LRRTM4: variants seen among roughly 807,000 people sequenced by gnomAD.
LRRTM4 encodes leucine-rich repeat transmembrane neuronal protein 4.
LRRTM4 carries 25 observed loss-of-function variants against 47.6 expected under a neutral mutation model. That is an observed-to-expected ratio of 0.53 (90% CI 0.38 to 0.73). LRRTM4 has a LOEUF of 0.73. Ranked by LOEUF, LRRTM4 falls within the 30% of genes least tolerant of loss-of-function variation. The pLI is 0.00. For synonymous variants in LRRTM4, 311 were observed against 269.5 expected, an observed-to-expected ratio of 1.15 and a Z score of -1.51; for missense variants, 638 against 713.4, an observed-to-expected ratio of 0.89 and a Z score of 1.20.
chr2:77,035,941 C>A (rs938224778), intron 3 of LRRTM4, among the ~76,000 whole-genome samples: 2 of 151,794 alleles, frequency 1.3e-5, no homozygotes, highest in Non-Finnish European at 2.9e-5. Context: ...TTTTCAGATT[C>A]CAGACTTCAA....
chr2:76,866,180 C>A (rs1672460170), intron 3 of LRRTM4, among the ~76,000 whole-genome samples: 1 of 152,164 alleles, frequency 6.6e-6, no homozygotes, highest in Non-Finnish European at 1.5e-5. Flanking sequence ...CCTGCCAGAT[C>A]CATCCAAAAT....
At chr2:77,419,388 T>C (rs1674777827) in intron 3 of LRRTM4, among the ~76,000 whole-genome samples, 1 of 152,216 alleles carries the variant, frequency 6.6e-6, no homozygotes, top group South Asian at 2.1e-4. Context: ...CTAAAATCCA[T>C]GGATGTTCAA....
intron 3 of LRRTM4, among the ~76,000 whole-genome samples, chr2:77,212,871 TA>T (rs1181652613): frequency 6.6e-6 from 1 of 152,134 alleles, no homozygotes; most frequent in African/African-American, 2.4e-5. Context: ...TTCTTGAAAC[TA>T]AGGAGAAATG....
intron 3 of LRRTM4, among the ~76,000 whole-genome samples, chr2:76,927,093 C>G (rs2103822923): frequency 6.6e-6 from 1 of 152,228 alleles, no homozygotes; most frequent in South Asian, 2.1e-4. Context: ...TGGTTATTAG[C>G]CACTTGCAAT....
intron 3 of LRRTM4, among the ~76,000 whole-genome samples, chr2:77,393,349 T>C (rs1345769001): frequency 1.3e-5 from 2 of 151,914 alleles, no homozygotes; most frequent in Non-Finnish European, 2.9e-5. Context: ...TCGACAACTG[T>C]TATAAAGTGC....
Position 77,043,535 on chromosome 2 carries a change from G to A in LRRTM4, c.1552-294619C>T, listed in dbSNP as rs370328359. The stretch of plus-strand genomic sequence containing the variant: ...AATGTCATTGTGTTCAATTTATGTA[G>A]TCTACTGAAACTGAATTTAAGTTAT... On this transcript the variant is annotated intron_variant, in intron 3 of 3. Coordinates refer to ENST00000409884, the MANE Select transcript of LRRTM4 (RefSeq NM_001134745.3). Among the ~76,000 whole-genome samples, 5 of 151,848 alleles carry A rather than the reference G, an allele frequency of 3.3e-5. No individual in the cohort carries two copies. The East Asian group carries it at 5.8e-4, about 18-fold the overall frequency.
intron 3 of LRRTM4, among the ~76,000 whole-genome samples, chr2:76,832,476 T>TC (rs1671382620): frequency 6.7e-6 from 1 of 148,228 alleles, no homozygotes; most frequent in South Asian, 2.2e-4. Context: ...TTTTTTTTTT[T>TC]TGTCTACACT....
At chr2:77,209,227 A>G (rs1260409765) in intron 3 of LRRTM4, among the ~76,000 whole-genome samples, 1 of 152,130 alleles carries the variant, frequency 6.6e-6, no homozygotes, top group Admixed American at 6.6e-5. Context: ...AAAAATTCAC[A>G]AGCAAGCTGT....
chr2:77,218,797 A>G (rs1674534363), intron 3 of LRRTM4, among the ~76,000 whole-genome samples: 2 of 152,148 alleles, frequency 1.3e-5, no homozygotes, highest in South Asian at 4.1e-4. Flanking sequence ...CCATTTGTGC[A>G]AACTTTGTGA....
chr2:77,370,006 C>T (rs1269069167), intron 3 of LRRTM4, among the ~76,000 whole-genome samples: 5 of 151,646 alleles, frequency 3.3e-5, no homozygotes, highest in African/African-American at 1.2e-4. Context: ...TGTTGTATAC[C>T]TTAAACATGC....
chr2:77,072,595 C>G (rs566256072), intron 3 of LRRTM4, among the ~76,000 whole-genome samples: 1 of 151,816 alleles, frequency 6.6e-6, no homozygotes, highest in African/African-American at 2.4e-5. Flanking sequence ...GTCAGAAGTT[C>G]GAGACCAGCC....
rs1295135625 is a variant in LRRTM4, at chr2:76,841,663, A to T, written c.1552-92747T>A. ...GTTCAGAATCAATTTGGTAACCTGGAGAAAAAAAAAAAAAACTTTACTGTG... is the reference window on the plus strand; with the variant it reads ...GTTCAGAATCAATTTGGTAACCTGGTGAAAAAAAAAAAAAACTTTACTGTG... On this transcript the variant is annotated intron_variant, in intron 3 of 3. Coordinates refer to ENST00000409884, the MANE Select transcript of LRRTM4 (RefSeq NM_001134745.3). Among the ~76,000 whole-genome samples, 19 of 148,350 alleles carry T rather than the reference A, an allele frequency of 1.3e-4. No homozygotes were observed. The East Asian group carries it at 3.8e-3, about 29-fold the overall frequency.
rs141544004 is a variant in LRRTM4 at position 76,983,301 on chromosome 2, G to T, written c.1552-234385C>A. On this transcript the variant is annotated intron_variant, in intron 3 of 3. Transcript: ENST00000409884. ...TAAGTCACACATTATTAAACAGTAG[G>T]GATATGGTTTGGCAGTATCCCCACC... is the stretch of plus-strand genomic sequence containing the variant. Among the ~76,000 whole-genome samples the T allele has an allele frequency of 1.1e-3, 172 of 152,012 alleles. 1 individual carries two copies. Among genetic ancestry groups the T allele is most frequent in the African/African-American group, 3.9e-3 (162 of 41,490 alleles).
chr2:76,802,300 A>T (rs1294831583), intron 3 of LRRTM4, among the ~76,000 whole-genome samples: 1 of 147,678 alleles, frequency 6.8e-6, no homozygotes, highest in East Asian at 1.9e-4. Flanking sequence ...ACAGCAAAAT[A>T]CACAAATCTC....
rs544481413 is a variant in LRRTM4, at chr2:77,488,238, A to G, written c.1551+30080T>C. On this transcript the variant is annotated intron_variant, in intron 3 of 3. Coordinates refer to ENST00000409884, the MANE Select transcript of LRRTM4 (RefSeq NM_001134745.3). ...CACCACCACATTCCCCGGTGCCAGC[A>G]CTGGAAGCCACTTGCGGTACATCTG... is the stretch of plus-strand genomic sequence containing the variant. Among the ~76,000 whole-genome samples, 66 of 152,246 alleles carry G rather than the reference A, an allele frequency of 4.3e-4. No homozygotes were observed. The South Asian group carries it at 0.013, about 31-fold the overall frequency.
intron 3 of LRRTM4, among the ~76,000 whole-genome samples, chr2:76,867,520 T>C (rs1315167564): frequency 1.3e-5 from 2 of 152,186 alleles, no homozygotes; most frequent in Admixed American, 1.3e-4. Flanking sequence ...TAATTTTTTG[T>C]TAGTTTCTTT....
intron 3 of LRRTM4, among the ~76,000 whole-genome samples, chr2:76,940,893 T>C (rs1675119104): frequency 6.6e-6 from 1 of 152,196 alleles, no homozygotes; most frequent in South Asian, 2.1e-4. Flanking sequence ...TTCTTTGTTT[T>C]GTTGACTACA....
At chr2:76,758,297 A>G (rs1673134059) in intron 3 of LRRTM4, among the ~76,000 whole-genome samples, 1 of 152,210 alleles carries the variant, frequency 6.6e-6, no homozygotes, top group South Asian at 2.1e-4. Flanking sequence ...AATGAAATTC[A>G]CATGTAAGTG....
chr2:76,836,217 C>T (rs1170018321), intron 3 of LRRTM4, among the ~76,000 whole-genome samples: 2 of 150,380 alleles, frequency 1.3e-5, no homozygotes, highest in East Asian at 3.9e-4. Flanking sequence ...TCCTTTTTGT[C>T]AGTAGAATAT....
Sources: gnomAD v4.1 joint callset for allele counts (sites outside exome capture counted in the v4.1 genomes callset) on GRCh38, gnomAD v4.1.1 for gene constraint, MANE v1.5 for transcripts, NCBI Gene and HGNC (gene_info 2026-07-23, HGNC 2026-07-21) for gene names.